GRIK2: variants seen among roughly 807,000 people sequenced by gnomAD.
GRIK2 encodes the protein glutamate ionotropic receptor kainate type subunit 2, also known as glutamate receptor ionotropic, kainate 2.
GRIK2 carries 32 observed loss-of-function variants against 100.3 expected under a neutral mutation model. The ratio of observed to expected loss-of-function variants is 0.32; its 90% CI spans 0.24 to 0.43. The LOEUF is 0.43. Ranked by LOEUF, GRIK2 falls within the 20% of genes least tolerant of loss-of-function variation. The probability of loss-of-function intolerance (pLI) is 1.00; values close to 1 mark genes in which losing one functional copy is unlikely to be tolerated. For missense variants in GRIK2, 843 were observed against 1,114.9 expected, an observed-to-expected ratio of 0.76 and a Z score of 3.47; for synonymous variants, 417 against 389.4, an observed-to-expected ratio of 1.07 and a Z score of -0.83.
chr6:101,892,856 C>T (rs1787196463), intron 12 of GRIK2, among the ~76,000 whole-genome samples: 1 of 151,176 alleles, frequency 6.6e-6, no homozygotes, highest in African/African-American at 2.4e-5. Context: ...TAAAATATTT[C>T]TGAATTTGAA....
chr6:101,807,887 G>T (rs1280736112), intron 9 of GRIK2, among the ~76,000 whole-genome samples: 2 of 151,868 alleles, frequency 1.3e-5, no homozygotes, highest in Admixed American at 6.6e-5. Flanking sequence ...GTCTGTGAGT[G>T]GAATTACTGA....
intron 2 of GRIK2, among the ~76,000 whole-genome samples, chr6:101,587,858 G>A (rs956130731): frequency 6.6e-6 from 1 of 152,010 alleles, no homozygotes; most frequent in Admixed American, 6.6e-5. Flanking sequence ...GACACTCTCT[G>A]AACTACTAAA....
chr6:102,057,936 T>G (rs963042367), intron 16 of GRIK2, among the ~76,000 whole-genome samples: 6 of 151,852 alleles, frequency 4.0e-5, no homozygotes, highest in Admixed American at 2.0e-4. Context: ...AAAGGTATAA[T>G]GGGTTTGGGC....
At chr6:101,634,980 G>A (rs1047096737) in intron 4 of GRIK2, among the ~76,000 whole-genome samples, 6 of 151,960 alleles carry the variant, frequency 3.9e-5, no homozygotes, top group South Asian at 2.1e-4. Flanking sequence ...TATCTTGCAC[G>A]TATATTTAAA....
chr6:101,765,411 A>C (rs1777987233), intron 7 of GRIK2, among the ~76,000 whole-genome samples: 1 of 152,116 alleles, frequency 6.6e-6, no homozygotes, highest in Non-Finnish European at 1.5e-5. Flanking sequence ...ATTCCTTCTG[A>C]ATCTAAATGA....
intron 2 of GRIK2, among the ~76,000 whole-genome samples, chr6:101,470,354 A>G (rs191165206): frequency 2.0e-5 from 3 of 152,226 alleles, no homozygotes; most frequent in Admixed American, 2.0e-4. Context: ...TGCCATGGCA[A>G]TTGGTGAGAG....
chr6:101,920,072 A>G (rs564373202), intron 12 of GRIK2, among the ~76,000 whole-genome samples: 1 of 152,070 alleles, frequency 6.6e-6, no homozygotes, highest in African/African-American at 2.4e-5. Context: ...TTCAATTACA[A>G]TATAATGGAA....
intron 7 of GRIK2, among the ~76,000 whole-genome samples, chr6:101,691,680 A>T (rs1345970907): frequency 6.6e-6 from 1 of 152,128 alleles, no homozygotes; most frequent in South Asian, 2.1e-4. Flanking sequence ...AAAGGAAGAG[A>T]TAATGTTTAT....
chr6:101,760,639 A>C (rs1424298655), intron 7 of GRIK2, among the ~76,000 whole-genome samples: 3 of 118,858 alleles, frequency 2.5e-5, no homozygotes, highest in Non-Finnish European at 3.3e-5. Context: ...ATTATATATA[A>C]TTATATATAA....
Position 101,486,816 on chromosome 6 carries a change from C to G in GRIK2, c.115+87424C>G, listed in dbSNP as rs1436673371. 1.4e-5 allele frequency among the ~76,000 whole-genome samples: 2 copies of G among 146,608 alleles called. 1 individual carries two copies. The highest frequency in any genetic ancestry group is 3.0e-5 in the Non-Finnish European group (2 of 66,772). Reference sequence around the variant, plus strand: ...GTGAGGTATTTTGATTTACAAGTGTCTCTCTCAGTAACGAAGTATATGAAA... The same window carrying G: ...GTGAGGTATTTTGATTTACAAGTGTGTCTCTCAGTAACGAAGTATATGAAA... On this transcript the variant is annotated intron_variant, in intron 2 of 16. Coordinates refer to ENST00000369134, the MANE Select transcript of GRIK2 (RefSeq NM_021956.5).
At chr6:101,754,534 A>G (rs1208978777) in intron 7 of GRIK2, among the ~76,000 whole-genome samples, 1 of 152,232 alleles carries the variant, frequency 6.6e-6, no homozygotes, top group Non-Finnish European at 1.5e-5. Context: ...ATGCTAACCA[A>G]TCATAATGTA....
intron 14 of GRIK2, among the ~76,000 whole-genome samples, chr6:101,932,191 G>T (rs1270520761): frequency 6.6e-6 from 1 of 151,888 alleles, no homozygotes; most frequent in Non-Finnish European, 1.5e-5. Flanking sequence ...GAAATTATTT[G>T]TCTGGATTTG....
intron 4 of GRIK2, among the ~76,000 whole-genome samples, chr6:101,628,819 T>A (rs887652395): frequency 2.0e-5 from 3 of 152,150 alleles, no homozygotes; most frequent in African/African-American, 7.2e-5. Flanking sequence ...CATGTGATAT[T>A]TTGTATTAAT....
At chr6:101,941,781 T>C (rs1168108901) in intron 14 of GRIK2, among the ~76,000 whole-genome samples, 2 of 152,116 alleles carry the variant, frequency 1.3e-5, no homozygotes, top group African/African-American at 4.8e-5. Flanking sequence ...AAATTGCCCA[T>C]AGTTTACAAT....
At chr6:101,529,246 C>T (rs549060497) in intron 2 of GRIK2, among the ~76,000 whole-genome samples, 1 of 152,216 alleles carries the variant, frequency 6.6e-6, no homozygotes, top group African/African-American at 2.4e-5. Flanking sequence ...AGCTTTCCTA[C>T]AGCAGAGCAT....
chr6:101,711,035 G>A (rs915351992), intron 7 of GRIK2, among the ~76,000 whole-genome samples: 1 of 151,674 alleles, frequency 6.6e-6, no homozygotes, highest in Non-Finnish European at 1.5e-5. Flanking sequence ...CCCTAAAATA[G>A]CCACTTCTCC....
intron 4 of GRIK2, among the ~76,000 whole-genome samples, chr6:101,672,823 AT>A (rs890665233): frequency 6.6e-6 from 1 of 152,224 alleles, no homozygotes; most frequent in East Asian, 1.9e-4. Context: ...TATGTACCAC[AT>A]TTTCTGGTAT....
chr6:101,448,423 T>C (rs976169040), intron 2 of GRIK2, among the ~76,000 whole-genome samples: 9 of 151,608 alleles, frequency 5.9e-5, no homozygotes, highest in African/African-American at 2.2e-4. Context: ...TCAATCAAAT[T>C]GTGCAAATTA....
At chr6:101,907,870 T>G (rs1404458425) in intron 12 of GRIK2, among the ~76,000 whole-genome samples, 1 of 151,696 alleles carries the variant, frequency 6.6e-6, no homozygotes, top group Non-Finnish European at 1.5e-5. Flanking sequence ...TCCTCATTTA[T>G]CCTTTAAGAC....
Sources: gnomAD v4.1 joint callset for allele counts (sites outside exome capture counted in the v4.1 genomes callset) on GRCh38, gnomAD v4.1.1 for gene constraint, MANE v1.5 for transcripts, NCBI Gene and HGNC (gene_info 2026-07-23, HGNC 2026-07-21) for gene names.